Variants in RTN4RL1 observed in about 807,000 individuals in gnomAD.
The protein encoded by RTN4RL1 is reticulon-4 receptor-like 1.
RTN4RL1 carries 7 observed loss-of-function variants against 25.6 expected under a neutral mutation model. The observed-to-expected ratio is 0.27, with a 90% CI of 0.16 to 0.51. The LOEUF is 0.51. Among genes scored for constraint, RTN4RL1 ranks in the 20% least tolerant of loss-of-function variants. RTN4RL1 has a pLI of 0.97. For missense variants in RTN4RL1, 500 were observed against 615.6 expected (o/e 0.81, Z 1.99); for synonymous variants, 297 against 288.2 (o/e 1.03, Z -0.31).
Position 1,937,129 on chromosome 17 carries a change from G to A in RTN4RL1, c.693C>T (p.Asn231=). The change falls in exon 2 of 2, where the codon AAC becomes AAT. Residue 231 remains asparagine (N), a synonymous_variant. Coordinates refer to ENST00000331238, the MANE Select transcript of RTN4RL1 (RefSeq NM_178568.4). ...RRLTTLFLFN[N]SLSELQGECL... ...ACTCACCCTGCAGCTCCGAGAGGCTGTTGTTGAAGAGGAAGAGGGTGGTCA... is the reference window on the plus strand; with the variant it reads ...ACTCACCCTGCAGCTCCGAGAGGCTATTGTTGAAGAGGAAGAGGGTGGTCA... 6.2e-7 allele frequency: 1 copy of A among 1,611,008 alleles called. No individual in the cohort carries two copies. The highest frequency in any genetic ancestry group is 8.5e-7 in the Non-Finnish European group (1 of 1,179,092).
At chr17:1,954,676 C>T (rs936851757) in intron 1 of RTN4RL1, among the ~76,000 whole-genome samples, 4 of 152,198 alleles carry the variant, frequency 2.6e-5, no homozygotes, top group Non-Finnish European at 5.9e-5. Flanking sequence ...ACAGGAGCCA[C>T]TGCGCCCAGC....
chr17:1,936,674 T>C lies in RTN4RL1; in HGVS notation c.1148A>G (p.Asp383Gly). ...GTCAAAACTGAACTTGTGCTGGTAGTCTGGGGCATAGTCTGGCAGCTCGGG... is the reference window on the plus strand; with the variant it reads ...GTCAAAACTGAACTTGTGCTGGTAGCCTGGGGCATAGTCTGGCAGCTCGGG... ...QAPELPDYAP[D>G]YQHKFSFDIM... The change falls in exon 2 of 2, where the codon GAC becomes GGC. Residue 383 changes from aspartate (D) to glycine (G), a missense_variant. Transcript: ENST00000331238. 1 of 1,585,386 alleles carries C rather than the reference T, an allele frequency of 6.3e-7. No homozygotes were observed. The highest frequency in any genetic ancestry group is 8.6e-7 in the Non-Finnish European group (1 of 1,167,466).
intron 1 of RTN4RL1, among the ~76,000 whole-genome samples, chr17:1,941,061 G>T (rs1915428822): frequency 6.6e-6 from 1 of 152,204 alleles, no homozygotes; most frequent in Admixed American, 6.5e-5. Context: ...TTTACAAAGT[G>T]CTTCTGCTCA....
In RTN4RL1 at chr17:1,937,090, C is replaced by T. The variant is rs2151303566; in HGVS notation, c.732G>A (p.Leu244=). Residue 244 remains leucine, a synonymous_variant, in exon 2 of 2, where the codon CTG becomes CTA. Coordinates refer to ENST00000331238, the MANE Select transcript of RTN4RL1 (RefSeq NM_178568.4). ...TGAGGCGGAGGAACTCCAGGGCCCC[C>T]AGCGGGGCCAGGCACTCACCCTGCA... is the stretch of plus-strand genomic sequence containing the variant. ...SELQGECLAP[L]GALEFLRLNG... The T allele has an allele frequency of 3.7e-6, 6 of 1,606,550 alleles. No individual in the cohort carries two copies. Among genetic ancestry groups the T allele is most frequent in the Non-Finnish European group, 5.1e-6 (6 of 1,177,564 alleles).
intron 1 of RTN4RL1, among the ~76,000 whole-genome samples, chr17:1,946,351 C>A (rs749399618): frequency 2.8e-4 from 43 of 152,248 alleles, no homozygotes; most frequent in African/African-American, 9.4e-4. Context: ...AAACACCATG[C>A]GTCCCGCTCA....
intron 1 of RTN4RL1, among the ~76,000 whole-genome samples, chr17:1,947,467 CA>C (rs112992154): frequency 0.17 from 25,412 of 152,192 alleles, 2,292 homozygotes; most frequent in Admixed American, 0.19. Flanking sequence ...CTTATCTCGG[CA>C]CTGGCTCTGG....
At position 1,974,018 on chromosome 17, in the gene RTN4RL1, G is replaced by A. The variant is rs948892911; in HGVS notation, c.14-36210C>T. 9.5e-5 allele frequency among the ~76,000 whole-genome samples: 12 copies of A among 125,690 alleles called. No individual in the cohort carries two copies. The Admixed American group carries it at 1.1e-3, about 12-fold the overall frequency. The allele number at this position is 125,690 out of a possible 152,430, so 82.5% of individuals were successfully genotyped here. A position where few individuals can be genotyped will look rare whatever the true frequency, so the allele number is the denominator to read the frequency against. On this transcript the variant is annotated intron_variant, in intron 1 of 1. Coordinates refer to ENST00000331238, the MANE Select transcript of RTN4RL1 (RefSeq NM_178568.4). ...TGCGCCACTGCACTCCAGTCTGGGCGACAGAGCGAGACTCCGTCTCAGAAA... is the reference window on the plus strand; with the variant it reads ...TGCGCCACTGCACTCCAGTCTGGGCAACAGAGCGAGACTCCGTCTCAGAAA...
intron 1 of RTN4RL1, among the ~76,000 whole-genome samples, chr17:1,941,592 C>T (rs542824890): frequency 8.5e-5 from 13 of 152,242 alleles, no homozygotes; most frequent in African/African-American, 2.6e-4. Context: ...GAGGGCCCCT[C>T]GGGGGCCAGG....
At chr17:2,016,209 C>G (rs968839836) in intron 1 of RTN4RL1, among the ~76,000 whole-genome samples, 3 of 152,046 alleles carry the variant, frequency 2.0e-5, no homozygotes, top group Non-Finnish European at 4.4e-5. Flanking sequence ...AGTGAAACCC[C>G]GTTTCTACTA....
intron 1 of RTN4RL1, among the ~76,000 whole-genome samples, chr17:1,967,385 C>A (rs1345287128): frequency 2.6e-5 from 4 of 152,126 alleles, no homozygotes; most frequent in Non-Finnish European, 4.4e-5. Context: ...CAGCTCCCCG[C>A]CCCCGCTACC....
At chr17:1,940,991 G>A (rs185226931) in intron 1 of RTN4RL1, among the ~76,000 whole-genome samples, 4 of 152,184 alleles carry the variant, frequency 2.6e-5, no homozygotes, top group African/African-American at 4.8e-5. Flanking sequence ...GCAGGGGGAC[G>A]GGGTGATATG....
chr17:1,984,260 G>A (rs1434048056), intron 1 of RTN4RL1, among the ~76,000 whole-genome samples: 3 of 152,364 alleles, frequency 2.0e-5, no homozygotes, highest in Non-Finnish European at 2.9e-5. Flanking sequence ...CCCTGTAGGA[G>A]CCTGAGAAGC....
chr17:1,981,279 G>A (rs1427231592), intron 1 of RTN4RL1, among the ~76,000 whole-genome samples: 1 of 152,174 alleles, frequency 6.6e-6, no homozygotes, highest in Non-Finnish European at 1.5e-5. Flanking sequence ...TACCTGGGAG[G>A]CTGAGGAGGG....
At chr17:2,003,562 A>G (rs1263491303) in intron 1 of RTN4RL1, 1 of 152,330 alleles carries the variant, frequency 6.6e-6, no homozygotes, top group Admixed American at 6.5e-5. Flanking sequence ...CCCAGAAGGC[A>G]GATGGCATTA....
intron 1 of RTN4RL1, among the ~76,000 whole-genome samples, chr17:2,014,747 G>A (rs1200033079): frequency 2.6e-5 from 4 of 151,954 alleles, no homozygotes; most frequent in Non-Finnish European, 4.4e-5. Flanking sequence ...CAGGAGAATC[G>A]CTTGAATCTG....
Position 1,936,581 on chromosome 17 carries a change from C to A in RTN4RL1, c.1241G>T (p.Ser414Ile). Residue 414 changes from serine to isoleucine, a missense_variant, in exon 2 of 2, where the codon AGC becomes ATC. By Grantham distance (142) the Ser-to-Ile change is moderately radical. Around this residue, in one of 2 missense-constraint regions of RTN4RL1, gnomAD observed 268 missense variants for 274.5 expected, o/e 0.98. Coordinates refer to ENST00000331238, the MANE Select transcript of RTN4RL1 (RefSeq NM_178568.4). ...GGCCGAGGAGGCCTGCTGCACCCCGCTGGGGGCACGGATGGGGGTCCTGCG... is the reference window on the plus strand; with the variant it reads ...GGCCGAGGAGGCCTGCTGCACCCCGATGGGGGCACGGATGGGGGTCCTGCG... ...CARRTPIRAP[S>I]GVQQASSASS... 1 of 1,574,406 alleles carries A rather than the reference C, an allele frequency of 6.4e-7. No homozygotes were observed. Among genetic ancestry groups the A allele is most frequent in the Non-Finnish European group, 8.6e-7 (1 of 1,160,348 alleles).
chr17:2,011,569 C>G (rs1039654291), intron 1 of RTN4RL1, among the ~76,000 whole-genome samples: 1 of 152,078 alleles, frequency 6.6e-6, no homozygotes, highest in Non-Finnish European at 1.5e-5. Flanking sequence ...GAGGGAGAGG[C>G]CAGGGCAGAG....
rs376963541 is a variant in RTN4RL1 at position 2,024,833 on chromosome 17, C to T, written c.13+20G>A. The T allele has an allele frequency of 4.3e-5, 67 of 1,570,326 alleles. No individual in the cohort carries two copies. Among genetic ancestry groups the T allele is most frequent in the South Asian group, 1.2e-5 (1 of 85,482 alleles). ...CCGGAGCGCATTCAACTTCAACTTG[C>T]CCCTGCGGCTCCAACTCACCTTTGC... On this transcript the variant is annotated intron_variant, in intron 1 of 1. Transcript: ENST00000331238.
At chr17:1,999,850 G>A (rs1567520948) in intron 1 of RTN4RL1, among the ~76,000 whole-genome samples, 1 of 152,232 alleles carries the variant, frequency 6.6e-6, no homozygotes, top group Non-Finnish European at 1.5e-5. Context: ...CCTGCCCTCC[G>A]GCCTCACGGC....
Sources: gnomAD v4.1 joint callset for allele counts (sites outside exome capture counted in the v4.1 genomes callset) on GRCh38, gnomAD v4.1.1 for gene constraint, gnomAD v4.1.1 regional missense constraint, MANE v1.5 for transcripts, NCBI Gene and HGNC (gene_info 2026-07-23, HGNC 2026-07-21) for gene names.